PLCB1: variants seen among roughly 807,000 people sequenced by gnomAD.
PLCB1 encodes 1-phosphatidylinositol 4,5-bisphosphate phosphodiesterase beta-1.
In PLCB1, 46 loss-of-function variants were observed where a neutral mutation model predicts 161.8. The ratio of observed to expected loss-of-function variants is 0.28; its 90% CI spans 0.22 to 0.36. PLCB1 has a LOEUF of 0.36. Among genes scored for constraint, PLCB1 ranks in the 10% least tolerant of loss-of-function variants. PLCB1 has a pLI of 1.00. For missense variants in PLCB1, 1,016 were observed against 1,472.5 expected, an observed-to-expected ratio of 0.69 and a Z score of 5.07; for synonymous variants, 517 against 503.7, an observed-to-expected ratio of 1.03 and a Z score of -0.35.
In PLCB1 at chr20:8,231,782, G is replaced by A. The variant is rs573209514; in HGVS notation, c.177+81411G>A. 3.3e-5 allele frequency among the ~76,000 whole-genome samples: 5 copies of A among 152,238 alleles called. No homozygotes were observed. The South Asian group carries it at 1.0e-3, about 32-fold the overall frequency. On this transcript the variant is annotated intron_variant, in intron 2 of 31. Coordinates refer to ENST00000338037, the MANE Select transcript of PLCB1 (RefSeq NM_015192.4). ...GTGTCTCCCGTGGCCAGTTGGTTTG[G>A]TTGGCTGATCCACAGTAGAGGGATA...
intron 3 of PLCB1, among the ~76,000 whole-genome samples, chr20:8,424,929 T>C (rs1051103233): frequency 6.6e-6 from 1 of 152,116 alleles, no homozygotes; most frequent in Admixed American, 6.5e-5. Flanking sequence ...ATACAGAATC[T>C]TCTTGGGTTC....
chr20:8,848,107 C>G (rs1191696373), intron 31 of PLCB1, among the ~76,000 whole-genome samples: 2 of 152,184 alleles, frequency 1.3e-5, no homozygotes, highest in African/African-American at 4.8e-5. Flanking sequence ...GCCCTCTTGA[C>G]TTAATCACCT....
intron 10 of PLCB1, among the ~76,000 whole-genome samples, chr20:8,688,331 T>A (rs1280091521): frequency 6.6e-6 from 1 of 152,244 alleles, no homozygotes; most frequent in Non-Finnish European, 1.5e-5. Flanking sequence ...GCAAAAGCTC[T>A]TTAGTTTAAT....
chr20:8,602,023 GATA>G (rs1987601677), intron 3 of PLCB1, among the ~76,000 whole-genome samples: 1 of 152,070 alleles, frequency 6.6e-6, no homozygotes, highest in Admixed American at 6.6e-5. Flanking sequence ...CACATTTTAG[GATA>G]TCTGATGGTC....
chr20:8,336,911 C>T (rs930363405), intron 2 of PLCB1, among the ~76,000 whole-genome samples: 2 of 151,458 alleles, frequency 1.3e-5, no homozygotes, highest in African/African-American at 4.9e-5. Flanking sequence ...ATAATCTTTC[C>T]TTTTTTAATG....
At chr20:8,578,906 GTCACATCT>G (rs1379690024) in intron 3 of PLCB1, among the ~76,000 whole-genome samples, 1 of 152,188 alleles carries the variant, frequency 6.6e-6, no homozygotes, top group African/African-American at 2.4e-5. Context: ...TCTGATGGCA[GTCACATCT>G]TGATAGGAAT....
intron 9 of PLCB1, among the ~76,000 whole-genome samples, chr20:8,682,570 C>T (rs377459669): frequency 6.6e-6 from 1 of 152,178 alleles, no homozygotes; most frequent in South Asian, 2.1e-4. Flanking sequence ...AGTCATCGGT[C>T]ACCTTGAGAA....
chr20:8,196,593 A>G lies in PLCB1; in HGVS notation c.177+46222A>G, dbSNP rs1051378453. Among the ~76,000 whole-genome samples, 9 of 151,556 alleles carry G rather than the reference A, an allele frequency of 5.9e-5. No individual in the cohort carries two copies. In the Admixed American group the frequency reaches 5.9e-4, roughly 10 times the overall value. ...TTATAGAGGCAGGTGATGGTCAAGT[A>G]TTCTTTGATGGTCAAGTACTCCTTC... On this transcript the variant is annotated intron_variant, in intron 2 of 31. Transcript: ENST00000338037.
intron 18 of PLCB1, 133 bp downstream of exon 18, chr20:8,729,307 G>A: frequency 2.7e-6 from 2 of 740,578 alleles, no homozygotes; most frequent in South Asian, 3.7e-5. Flanking sequence ...TTTCAATGAA[G>A]GGAATATCAA....
intron 27 of PLCB1, among the ~76,000 whole-genome samples, chr20:8,779,094 T>C (rs6056102): frequency 0.58 from 87,369 of 151,824 alleles, 26,357 homozygotes; most frequent in Non-Finnish European, 0.66. Flanking sequence ...AAGCCGACAG[T>C]ATTTCATCTC....
At chr20:8,529,708 CT>C (rs1256716042) in intron 3 of PLCB1, among the ~76,000 whole-genome samples, 3 of 152,060 alleles carry the variant, frequency 2.0e-5, no homozygotes, top group Admixed American at 6.6e-5. Context: ...TCACACCCTC[CT>C]TCTCCAGCCA....
At chr20:8,869,932 C>T (rs970338845) in intron 31 of PLCB1, among the ~76,000 whole-genome samples, 11 of 152,170 alleles carry the variant, frequency 7.2e-5, no homozygotes, top group African/African-American at 2.7e-4. Context: ...AAATCTTCTA[C>T]TAGAGTAGTC....
At chr20:8,754,198 T>C (rs1981622898) in intron 23 of PLCB1, among the ~76,000 whole-genome samples, 1 of 152,260 alleles carries the variant, frequency 6.6e-6, no homozygotes, top group African/African-American at 2.4e-5. Flanking sequence ...GTGGAGGCTT[T>C]GTCTCACATG....
chr20:8,543,282 C>T (rs1466680759), intron 3 of PLCB1, among the ~76,000 whole-genome samples: 2 of 152,042 alleles, frequency 1.3e-5, no homozygotes, highest in Non-Finnish European at 2.9e-5. Flanking sequence ...AGGTCAAATG[C>T]CCAGGGCTCT....
At chr20:8,724,570 T>C in intron 15 of PLCB1, 86 bp from the exon 16 acceptor site, 1 of 815,170 alleles carries the variant, frequency 1.2e-6, no homozygotes, top group Non-Finnish European at 2.1e-6. Context: ...TCTGCATGCT[T>C]GAATCATGTT....
intron 2 of PLCB1, among the ~76,000 whole-genome samples, chr20:8,261,337 C>T (rs1423797749): frequency 6.6e-6 from 1 of 152,100 alleles, no homozygotes; most frequent in Non-Finnish European, 1.5e-5. Flanking sequence ...ACTACTTTAA[C>T]AATCAGGTAA....
intron 3 of PLCB1, among the ~76,000 whole-genome samples, chr20:8,606,945 C>A (rs1388174870): frequency 6.6e-6 from 1 of 152,102 alleles, no homozygotes; most frequent in Non-Finnish European, 1.5e-5. Flanking sequence ...GGGAGCATGC[C>A]TAAAAGTAGA....
chr20:8,840,053 G>A (rs1348736277), intron 31 of PLCB1, among the ~76,000 whole-genome samples: 2 of 151,424 alleles, frequency 1.3e-5, no homozygotes, highest in East Asian at 1.9e-4. Context: ...AAAAGCTTGT[G>A]TGGTGGACTC....
At chr20:8,493,051 A>C (rs1983015814) in intron 3 of PLCB1, among the ~76,000 whole-genome samples, 1 of 152,122 alleles carries the variant, frequency 6.6e-6, no homozygotes, top group South Asian at 2.1e-4. Flanking sequence ...AATCACTGAA[A>C]TGAGCTTGGT....
Sources: gnomAD v4.1 joint callset for allele counts (sites outside exome capture counted in the v4.1 genomes callset) on GRCh38, gnomAD v4.1.1 for gene constraint, MANE v1.5 for transcripts, NCBI Gene and HGNC (gene_info 2026-07-23, HGNC 2026-07-21) for gene names.